PCDHA12: variants seen among roughly 807,000 people sequenced by gnomAD.
The protein encoded by PCDHA12 is protocadherin alpha-12.
A neutral mutation model predicts 60.0 loss-of-function variants in PCDHA12; 44 were observed. That is an observed-to-expected ratio of 0.73 (90% confidence interval 0.58 to 0.94). The LOEUF is 0.94. Ranked by LOEUF, PCDHA12 falls within the 40% of genes least tolerant of loss-of-function variation. The probability of loss-of-function intolerance (pLI) is 0.00; values close to 1 mark genes in which losing one functional copy is unlikely to be tolerated. For synonymous variants in PCDHA12, 569 were observed against 553.0 expected, an observed-to-expected ratio of 1.03 and a Z score of -0.40; for missense variants, 1,276 against 1,239.7, an observed-to-expected ratio of 1.03 and a Z score of -0.44.
At chr5:140,998,274 T>C (rs2097804171) in intron 3 of PCDHA12, among the ~76,000 whole-genome samples, 1 of 152,162 alleles carries the variant, frequency 6.6e-6, no homozygotes, top group African/African-American at 2.4e-5. Flanking sequence ...CTGACACCCA[T>C]AGGATTAAAT....
intron 1 of PCDHA12, among the ~76,000 whole-genome samples, chr5:140,953,061 G>A (rs919542084): frequency 2.0e-5 from 3 of 152,064 alleles, no homozygotes; most frequent in African/African-American, 7.2e-5. Flanking sequence ...CCTCTCACAG[G>A]CCCCATCTCC....
At chr5:140,957,900 G>A (rs2095395670) in intron 1 of PCDHA12, among the ~76,000 whole-genome samples, 1 of 151,932 alleles carries the variant, frequency 6.6e-6, no homozygotes, top group South Asian at 2.1e-4. Flanking sequence ...CATCAACCAA[G>A]GCATATTGTT....
chr5:140,877,743 G>A lies in PCDHA12; in HGVS notation c.2271G>A (p.Arg757=). The A allele has an allele frequency of 6.2e-7, 1 of 1,614,148 alleles. No homozygotes were observed. Among genetic ancestry groups the A allele is most frequent in the Non-Finnish European group, 8.5e-7 (1 of 1,180,030 alleles). ...CTTACTCGCAGCAGAGGAGGCAGAG[G>A]GTGTGCTCTGCAGAGAGCCCGCCCA... ...SWSYSQQRRQ[R]VCSAESPPKT... The change falls in exon 1 of 4, where the codon AGG becomes AGA. Residue 757 remains arginine (R), a synonymous_variant. Coordinates refer to ENST00000398631, the MANE Select transcript of PCDHA12 (RefSeq NM_018903.4).
At position 140,878,341 on chromosome 5, in the gene PCDHA12, A is replaced by G. The variant is rs980108622; in HGVS notation, c.2367+502A>G. Reference sequence around the variant, plus strand: ...TTCACATTATATTCCAGGTATTATCACAATAATATAAATGATATGTCTGAC... The same window carrying G: ...TTCACATTATATTCCAGGTATTATCGCAATAATATAAATGATATGTCTGAC... On this transcript the variant is annotated intron_variant, in intron 1 of 3. Coordinates refer to ENST00000398631, the MANE Select transcript of PCDHA12 (RefSeq NM_018903.4). Among the ~76,000 whole-genome samples the G allele has an allele frequency of 2.0e-5, 3 of 152,350 alleles. No homozygotes were observed. In the East Asian group the frequency reaches 5.8e-4, roughly 29 times the overall value.
intron 3 of PCDHA12, among the ~76,000 whole-genome samples, chr5:140,992,594 G>A (rs782416770): frequency 2.6e-5 from 4 of 152,148 alleles, no homozygotes; most frequent in Non-Finnish European, 2.9e-5. Flanking sequence ...TGCATCTAGC[G>A]TCTGTGTCTA....
Position 140,996,899 on chromosome 5 carries a change from C to T in PCDHA12, c.2516-12728C>T, listed in dbSNP as rs529654978. Among the ~76,000 whole-genome samples, 7 of 152,226 alleles carry T rather than the reference C, an allele frequency of 4.6e-5. No individual in the cohort carries two copies. The South Asian group carries it at 1.4e-3, about 32-fold the overall frequency. ...TGTATTTTTAAATAAAATAGAATTA[C>T]ATTGTTGAAGTAAATATTAAAAAAT... is the stretch of plus-strand genomic sequence containing the variant. On this transcript the variant is annotated intron_variant, in intron 3 of 3. Transcript: ENST00000398631.
At chr5:140,987,995 C>T (rs1554249784) in intron 3 of PCDHA12, among the ~76,000 whole-genome samples, 3 of 152,178 alleles carry the variant, frequency 2.0e-5, no homozygotes, top group African/African-American at 7.2e-5. Flanking sequence ...CATCTCTGAT[C>T]CTTCCCCAGA....
Position 141,010,907 on chromosome 5 carries a change from C to G in PCDHA12, c.*970C>G, listed in dbSNP as rs2098418753. 6.5e-6 allele frequency: 1 copy of G among 153,766 alleles called. No individual in the cohort carries two copies. 9.5% of individuals were successfully genotyped at this position (153,766 alleles called of 1,614,324 possible). A position where few individuals can be genotyped will look rare whatever the true frequency, so the allele number is the denominator to read the frequency against. ...GAAATATGAATACAATTCCCCTAAACTCTCCTCAAAAGAGAATTCAGTCTA... is the reference window on the plus strand; with the variant it reads ...GAAATATGAATACAATTCCCCTAAAGTCTCCTCAAAAGAGAATTCAGTCTA... On this transcript the variant is annotated 3_prime_UTR_variant, in exon 4 of 4. Coordinates refer to ENST00000398631, the MANE Select transcript of PCDHA12 (RefSeq NM_018903.4).
Position 140,929,131 on chromosome 5 carries a change from G to A in PCDHA12, c.2368-49818G>A, listed in dbSNP as rs782040825. ...ATCAGCCACCATAGATGTCACTACA[G>A]TTGAGAGACTTTCTCAGACTTATCT... On this transcript the variant is annotated intron_variant, in intron 1 of 3. Coordinates refer to ENST00000398631, the MANE Select transcript of PCDHA12 (RefSeq NM_018903.4). 5.0e-6 allele frequency: 8 copies of A among 1,614,036 alleles called. No homozygotes were observed. The East Asian group carries it at 6.7e-5, about 13-fold the overall frequency.
chr5:140,881,465 G>A, intron 1 of PCDHA12: 1 of 597,254 alleles, frequency 1.7e-6, no homozygotes, highest in Non-Finnish European at 2.1e-6. Flanking sequence ...TTAGAGCATT[G>A]TTGTGGCTAA....
intron 3 of PCDHA12, among the ~76,000 whole-genome samples, chr5:140,993,585 G>T (rs2097574142): frequency 6.6e-6 from 1 of 151,526 alleles, no homozygotes; most frequent in Admixed American, 6.6e-5. Flanking sequence ...GCTTTTCTTG[G>T]CTTGGCTCCA....
rs142720081 is a variant in PCDHA12, at chr5:141,009,771, T to G, written c.2660T>G (p.Ile887Ser). 1 of 1,614,082 alleles carries G rather than the reference T, an allele frequency of 6.2e-7. No individual in the cohort carries two copies. The change falls in exon 4 of 4, where the codon ATC becomes AGC. Residue 887 changes from isoleucine to serine, a missense_variant. Physicochemically the swap from Ile to Ser is moderately radical, Grantham distance 142. Transcript: ENST00000398631. ...DKFIIPGSPA[I>S]ISIRQEPTNS... ...TTCATTATCCCAGGATCTCCTGCAA[T>G]CATCTCCATCCGGCAGGAGCCTACT...
chr5:140,880,417 G>A (rs1202890717), intron 1 of PCDHA12, among the ~76,000 whole-genome samples: 15 of 152,250 alleles, frequency 9.9e-5, no homozygotes, highest in South Asian at 2.1e-4. Context: ...CCTTAAAAGC[G>A]GGAACAGTTT....
intron 1 of PCDHA12, chr5:140,928,545 T>C: frequency 6.2e-7 from 1 of 1,614,220 alleles, no homozygotes; most frequent in Non-Finnish European, 8.5e-7. Flanking sequence ...GGAATGACAA[T>C]TATCCGGTTA....
intron 1 of PCDHA12, among the ~76,000 whole-genome samples, chr5:140,970,416 G>A (rs536181177): frequency 2.4e-4 from 36 of 152,326 alleles, no homozygotes; most frequent in African/African-American, 8.2e-4. Context: ...CTACAGTAAG[G>A]TGTAGAGGCA....
At chr5:141,005,809 C>T (rs1554260384) in intron 3 of PCDHA12, among the ~76,000 whole-genome samples, 1 of 150,480 alleles carries the variant, frequency 6.6e-6, no homozygotes, top group Admixed American at 6.6e-5. Flanking sequence ...TCCAAGGAGC[C>T]AGGTATGGTG....
intron 1 of PCDHA12, among the ~76,000 whole-genome samples, chr5:140,906,125 T>G (rs1168148239): frequency 6.6e-6 from 1 of 152,028 alleles, no homozygotes; most frequent in Non-Finnish European, 1.5e-5. Flanking sequence ...GACACAAATG[T>G]TAGTCTCCTT....
chr5:140,963,288 G>A (rs908553196), intron 1 of PCDHA12, among the ~76,000 whole-genome samples: 2 of 152,126 alleles, frequency 1.3e-5, no homozygotes, highest in Non-Finnish European at 2.9e-5. Flanking sequence ...ATTTTATAAG[G>A]AGGAGAGAAA....
chr5:140,914,159 G>A (rs1193212496), intron 1 of PCDHA12, among the ~76,000 whole-genome samples: 3 of 152,088 alleles, frequency 2.0e-5, no homozygotes, highest in African/African-American at 4.8e-5. Flanking sequence ...TGTCCAATAC[G>A]GAAAGTGGGG....
Sources: allele counts gnomAD v4.1 joint callset (sites outside exome capture counted in the v4.1 genomes callset), GRCh38; gene constraint gnomAD v4.1.1; transcripts MANE v1.5; gene names NCBI Gene and HGNC (gene_info 2026-07-23, HGNC 2026-07-21).